Variants in OR51B5 observed in about 807,000 individuals in gnomAD.
The protein encoded by OR51B5 is olfactory receptor family 51 subfamily B member 5, also known as olfactory receptor 51B5.
For synonymous variants in OR51B5, 186 were observed against 144.8 expected, an observed-to-expected ratio of 1.28 and a Z score of -2.04; for missense variants, 456 against 374.6, an observed-to-expected ratio of 1.22 and a Z score of -1.79.
At chr11:5,375,406 T>G (rs1849509767) in intron 1 of OR51B5, among the ~76,000 whole-genome samples, 1 of 146,600 alleles carries the variant, frequency 6.8e-6, no homozygotes, top group South Asian at 2.3e-4. Flanking sequence ...CCATCAAGAC[T>G]AGGAAGAAAC....
chr11:5,364,420 C>G (rs1366741303), intron 1 of OR51B5, among the ~76,000 whole-genome samples: 1 of 150,094 alleles, frequency 6.7e-6, no homozygotes, highest in Non-Finnish European at 1.5e-5. Context: ...ATTTCTGTGA[C>G]AGGATATGAG....
downstream of OR51B5, among the ~76,000 whole-genome samples, chr11:5,341,661 A>T (rs1589940786): frequency 6.6e-6 from 1 of 152,220 alleles, no homozygotes; most frequent in African/African-American, 2.4e-5. Flanking sequence ...ATGGAATCAG[A>T]ATGTATGTAC....
At chr11:5,355,299 T>C (rs550923274) in intron 1 of OR51B5, 1 of 161,666 alleles carries the variant, frequency 6.2e-6, no homozygotes, top group East Asian at 1.9e-4. Flanking sequence ...ATATTAATAC[T>C]TTCAAAAACA....
intron 1 of OR51B5, among the ~76,000 whole-genome samples, chr11:5,480,656 T>G (rs1851404042): frequency 6.6e-6 from 1 of 151,144 alleles, no homozygotes; most frequent in African/African-American, 2.4e-5. Flanking sequence ...ATAGATGCAA[T>G]AAAAAATGAT....
At chr11:5,389,930 T>C (rs1436030321) in intron 1 of OR51B5, 2 of 1,611,464 alleles carry the variant, frequency 1.2e-6, no homozygotes, top group Non-Finnish European at 1.7e-6. Flanking sequence ...CCTGAAGGCT[T>C]TTCCCTACTG....
At chr11:5,424,061 A>G (rs1850402646) in intron 1 of OR51B5, among the ~76,000 whole-genome samples, 1 of 152,210 alleles carries the variant, frequency 6.6e-6, no homozygotes, top group African/African-American at 2.4e-5. Flanking sequence ...TGTGGAAACA[A>G]GATAAACTTT....
chr11:5,371,660 A>T (rs1430297767), intron 1 of OR51B5, among the ~76,000 whole-genome samples: 1 of 152,180 alleles, frequency 6.6e-6, no homozygotes, highest in Non-Finnish European at 1.5e-5. Flanking sequence ...TGTTCAAAAA[A>T]TATAGGATAT....
At chr11:5,434,811 G>T (rs1048446727) in intron 1 of OR51B5, among the ~76,000 whole-genome samples, 8 of 152,096 alleles carry the variant, frequency 5.3e-5, no homozygotes, top group African/African-American at 1.9e-4. Flanking sequence ...CCTGAAACCC[G>T]TAAGTGGCTG....
At chr11:5,445,066 G>A (rs1332639677) in intron 1 of OR51B5, among the ~76,000 whole-genome samples, 1 of 151,958 alleles carries the variant, frequency 6.6e-6, no homozygotes, top group East Asian at 1.9e-4. Flanking sequence ...AATATACTCA[G>A]GCAATTGCCC....
At chr11:5,351,877 A>G in intron 1 of OR51B5, 4 of 1,613,292 alleles carry the variant, frequency 2.5e-6, no homozygotes, top group Non-Finnish European at 3.4e-6. Context: ...TTTCATTACC[A>G]TCCGCAGCCC....
At chr11:5,460,646 C>G (rs974357680) in intron 1 of OR51B5, among the ~76,000 whole-genome samples, 9 of 152,154 alleles carry the variant, frequency 5.9e-5, no homozygotes, top group African/African-American at 2.2e-4. Context: ...GTAGGTAAGA[C>G]GACACTCTGG....
chr11:5,478,297 G>A (rs1028222705), intron 1 of OR51B5, among the ~76,000 whole-genome samples: 45 of 151,898 alleles, frequency 3.0e-4, no homozygotes, highest in Non-Finnish European at 5.7e-4. Flanking sequence ...TGCAGCTGAG[G>A]GTCCTGTCTG....
rs61738484 is a variant in OR51B5 at position 5,343,241 on chromosome 11, C to T, written c.284G>A (p.Cys95Tyr). The T allele has an allele frequency of 3.0e-5, 48 of 1,613,754 alleles. No individual in the cohort carries two copies. The African/African-American group carries it at 6.1e-4, about 21-fold the overall frequency. Residue 95 changes from cysteine to tyrosine, a missense_variant, in exon 1 of 1, where the codon TGC becomes TAC. Cys to Tyr is a radical substitution (Grantham distance 194). Coordinates refer to ENST00000300773, the Ensembl canonical transcript of OR51B5. Reference sequence around the variant, plus strand: ...GTGTATAAAGTAGGCCTGGGAAAAGCAGGCCGCACTTCCAATCTCCCTGTG... The same window carrying T: ...GTGTATAAAGTAGGCCTGGGAAAAGTAGGCCGCACTTCCAATCTCCCTGTG...
chr11:5,401,887 T>TCTTC (rs1436303564), intron 1 of OR51B5, among the ~76,000 whole-genome samples: 3 of 146,694 alleles, frequency 2.0e-5, no homozygotes, highest in Non-Finnish European at 1.5e-5. Context: ...CTTTTCTCTC[T>TCTTC]CTTCCTTCCT....
At chr11:5,447,927 TCATAGGGAAC>T (rs1850792391) in intron 1 of OR51B5, among the ~76,000 whole-genome samples, 2 of 152,274 alleles carry the variant, frequency 1.3e-5, no homozygotes, top group Admixed American at 1.3e-4. Flanking sequence ...TAAGTCCTAG[TCATAGGGAAC>T]CTCTCTTCTG....
intron 1 of OR51B5, chr11:5,389,313 T>C: frequency 2.4e-6 from 3 of 1,270,988 alleles, no homozygotes; most frequent in Non-Finnish European, 3.4e-6. Context: ...ATGACCATGG[T>C]ACTGCTTGTG....
intron 1 of OR51B5, among the ~76,000 whole-genome samples, chr11:5,442,796 T>C (rs542504347): frequency 6.6e-6 from 1 of 152,270 alleles, no homozygotes; most frequent in Non-Finnish European, 1.5e-5. Flanking sequence ...TTGAAACAAA[T>C]TTCTCTATGG....
intron 1 of OR51B5, among the ~76,000 whole-genome samples, chr11:5,423,480 A>T (rs987635061): frequency 3.9e-5 from 6 of 152,066 alleles, no homozygotes; most frequent in African/African-American, 9.7e-5. Context: ...TTAAACTTAA[A>T]CTCCCAGAAG....
At chr11:5,450,819 G>A (rs1334590136) in intron 1 of OR51B5, among the ~76,000 whole-genome samples, 1 of 152,152 alleles carries the variant, frequency 6.6e-6, no homozygotes, top group Non-Finnish European at 1.5e-5. Flanking sequence ...AGCATGCGGT[G>A]TTTGGTTTTC....
Sources: allele counts gnomAD v4.1 joint callset (sites outside exome capture counted in the v4.1 genomes callset), GRCh38; gene constraint gnomAD v4.1.1; transcripts MANE v1.5; gene names NCBI Gene and HGNC (gene_info 2026-07-23, HGNC 2026-07-21).